Variants in ZFHX3 observed in about 807,000 individuals in gnomAD.
ZFHX3 encodes zinc finger homeobox 3.
ZFHX3 carries 42 observed loss-of-function variants against 279.1 expected under a neutral mutation model. The observed-to-expected ratio is 0.15, with a 90% CI of 0.12 to 0.19. The LOEUF (loss-of-function observed/expected upper bound fraction) is 0.19, where lower values mean the gene tolerates loss of function less well. ZFHX3 is among the 10% of genes least tolerant of loss of function. The probability of loss-of-function intolerance (pLI) is 1.00; values close to 1 mark genes in which losing one functional copy is unlikely to be tolerated. For missense variants in ZFHX3, 4,981 were observed against 4,754.0 expected, an observed-to-expected ratio of 1.05 and a Z score of -1.40; for synonymous variants, 2,293 against 1,957.8, an observed-to-expected ratio of 1.17 and a Z score of -4.52.
intron 1 of ZFHX3, among the ~76,000 whole-genome samples, chr16:73,872,165 C>T (rs2029863436): frequency 6.6e-6 from 1 of 152,144 alleles, no homozygotes. Context: ...CCATGACCAA[C>T]ACTTATTCTG....
chr16:72,983,839 C>A (rs1047525432), intron 1 of ZFHX3, among the ~76,000 whole-genome samples: 1 of 152,222 alleles, frequency 6.6e-6, no homozygotes, highest in South Asian at 2.1e-4. Flanking sequence ...GGTCTAACTA[C>A]CCACTGCCAA....
chr16:73,172,066 C>T (rs1399246510), intron 5 of ZFHX3, among the ~76,000 whole-genome samples: 1 of 152,216 alleles, frequency 6.6e-6, no homozygotes, highest in African/African-American at 2.4e-5. Flanking sequence ...CCAGCCACTC[C>T]ATTTCCCACC....
intron 3 of ZFHX3, among the ~76,000 whole-genome samples, chr16:73,332,741 G>A (rs918322156): frequency 2.6e-5 from 4 of 152,116 alleles, no homozygotes; most frequent in Non-Finnish European, 4.4e-5. Flanking sequence ...GAATAAATAC[G>A]TAGTGATCTC....
intron 3 of ZFHX3, among the ~76,000 whole-genome samples, chr16:73,430,270 T>G (rs1407709683): frequency 1.3e-5 from 2 of 152,182 alleles, no homozygotes; most frequent in Non-Finnish European, 2.9e-5. Context: ...CCAGTGCCAT[T>G]TGCATTTCAA....
intron 3 of ZFHX3, among the ~76,000 whole-genome samples, chr16:72,943,518 TGA>T (rs1282229774): frequency 6.6e-6 from 1 of 151,862 alleles, no homozygotes; most frequent in Non-Finnish European, 1.5e-5. Context: ...GGTGACAGAG[TGA>T]GACCCAGTCT....
intron 4 of ZFHX3, among the ~76,000 whole-genome samples, chr16:72,855,817 T>C (rs947606854): frequency 1.3e-5 from 2 of 152,146 alleles, no homozygotes; most frequent in African/African-American, 4.8e-5. Context: ...GAAAGGCAAC[T>C]GCAGCCTAGA....
chr16:73,692,054 A>T (rs1296633437), intron 1 of ZFHX3, among the ~76,000 whole-genome samples: 1 of 152,224 alleles, frequency 6.6e-6, no homozygotes, highest in Non-Finnish European at 1.5e-5. Context: ...CCTGTTGCAG[A>T]TCAATGTCAC....
intron 5 of ZFHX3, among the ~76,000 whole-genome samples, chr16:73,152,523 AATG>A (rs1170971121): frequency 1.3e-5 from 2 of 152,130 alleles, no homozygotes; most frequent in African/African-American, 2.4e-5. Context: ...TTTAGATTTA[AATG>A]ATAACTAAAG....
chr16:73,817,894 G>A (rs1400626915), intron 1 of ZFHX3, among the ~76,000 whole-genome samples: 1 of 152,136 alleles, frequency 6.6e-6, no homozygotes, highest in Non-Finnish European at 1.5e-5. Context: ...CATTTGTACC[G>A]AACCCCCCTC....
At chr16:73,040,340 G>C (rs572268653) in intron 1 of ZFHX3, among the ~76,000 whole-genome samples, 1 of 152,334 alleles carries the variant, frequency 6.6e-6, no homozygotes, top group South Asian at 2.1e-4. Flanking sequence ...CTGGGAGGCC[G>C]AGCAGGAGGG....
At chr16:73,211,722 G>T (rs971603320) in intron 5 of ZFHX3, among the ~76,000 whole-genome samples, 2 of 151,412 alleles carry the variant, frequency 1.3e-5, no homozygotes, top group East Asian at 1.9e-4. Context: ...TGGTTATTAT[G>T]ATTTTGATTA....
intron 5 of ZFHX3, among the ~76,000 whole-genome samples, chr16:73,156,312 C>T (rs1205712370): frequency 6.6e-6 from 1 of 150,818 alleles, no homozygotes; most frequent in East Asian, 1.9e-4. Context: ...TAAGAACTAG[C>T]TGATAGGTGG....
rs555444047 is a variant in ZFHX3 at position 73,771,014 on chromosome 16, G to A, written c.-1607-90774C>T. ...CTCCTAACTAGCTGTGAGATCTTGAGCAAGTCACTTCACATCTCTGGGCTT... is the reference window on the plus strand; with the variant it reads ...CTCCTAACTAGCTGTGAGATCTTGAACAAGTCACTTCACATCTCTGGGCTT... On this transcript the variant is annotated intron_variant, in intron 1 of 17. Transcript: ENST00000641206. 5.9e-5 allele frequency among the ~76,000 whole-genome samples: 9 copies of A among 152,274 alleles called. No homozygotes were observed. In the East Asian group the frequency reaches 1.5e-3, roughly 26 times the overall value.
At chr16:73,290,015 CCACACA>C (rs10564390) in intron 4 of ZFHX3, among the ~76,000 whole-genome samples, 61,019 of 144,182 alleles carry the variant, frequency 0.42, 13,083 homozygotes, top group East Asian at 0.57. Flanking sequence ...AGAGAAATAA[CCACACA>C]CACACACACA....
At chr16:73,406,357 A>G (rs2017360454) in intron 3 of ZFHX3, among the ~76,000 whole-genome samples, 1 of 152,176 alleles carries the variant, frequency 6.6e-6, no homozygotes, top group African/African-American at 2.4e-5. Flanking sequence ...AGCCCCAGGA[A>G]CCGTCACAGA....
chr16:73,719,362 C>T (rs1344930463), intron 1 of ZFHX3, among the ~76,000 whole-genome samples: 2 of 152,208 alleles, frequency 1.3e-5, no homozygotes, highest in East Asian at 1.9e-4. Context: ...GTGGCACCTG[C>T]GTGGTCACCA....
chr16:73,830,529 C>T (rs1000131081), intron 1 of ZFHX3, among the ~76,000 whole-genome samples: 61 of 152,176 alleles, frequency 4.0e-4, no homozygotes, highest in Admixed American at 9.2e-4. Context: ...CCCTCTTAAC[C>T]TCTGATTCTT....
intron 3 of ZFHX3, among the ~76,000 whole-genome samples, chr16:72,914,934 T>G (rs2039405767): frequency 6.6e-6 from 1 of 152,156 alleles, no homozygotes; most frequent in South Asian, 2.1e-4. Flanking sequence ...GAGGTTGCAG[T>G]GAGCTGAGAT....
chr16:73,820,913 C>T (rs1387092934), intron 1 of ZFHX3, among the ~76,000 whole-genome samples: 1 of 151,890 alleles, frequency 6.6e-6, no homozygotes, highest in African/African-American at 2.4e-5. Flanking sequence ...CAGACATCAT[C>T]ATCACCCTAT....
Sources: gnomAD v4.1 joint callset for allele counts (sites outside exome capture counted in the v4.1 genomes callset) on GRCh38, gnomAD v4.1.1 for gene constraint, MANE v1.5 for transcripts, NCBI Gene and HGNC (gene_info 2026-07-23, HGNC 2026-07-21) for gene names.